The following ME3 variants were observed in gnomAD, a reference collection of about 807,000 sequenced individuals.
ME3 encodes the protein NADP-dependent malic enzyme, mitochondrial.
Under a neutral mutation model 68.9 loss-of-function variants are expected in ME3, and 48 were observed. The ratio of observed to expected loss-of-function variants is 0.70; its 90% confidence interval spans 0.55 to 0.89. ME3 has a LOEUF of 0.89. ME3 is among the 40% of genes least tolerant of loss of function. ME3 has a pLI of 0.00. For synonymous variants in ME3, 320 were observed against 318.8 expected, an observed-to-expected ratio of 1.00 and a Z score of -0.04; for missense variants, 675 against 797.4, an observed-to-expected ratio of 0.85 and a Z score of 1.85.
intron 2 of ME3, among the ~76,000 whole-genome samples, chr11:86,596,692 T>C (rs1463294108): frequency 6.6e-6 from 1 of 152,164 alleles, no homozygotes; most frequent in African/African-American, 2.4e-5. Context: ...ACATTATAGA[T>C]AAAGAAACTG....
At chr11:86,459,961 G>C (rs3758878) in intron 8 of ME3, among the ~76,000 whole-genome samples, 11,646 of 152,308 alleles carry the variant, frequency 0.076, 498 homozygotes, top group South Asian at 0.11. Context: ...TCAGCTTGCA[G>C]GTGGAGGCCA....
chr11:86,635,327 G>A (rs1219872869), intron 2 of ME3, among the ~76,000 whole-genome samples: 1 of 152,200 alleles, frequency 6.6e-6, no homozygotes, highest in Non-Finnish European at 1.5e-5. Context: ...AGGACGCCGT[G>A]AGAATGTGGC....
At chr11:86,648,389 G>A (rs1422550207) in intron 2 of ME3, among the ~76,000 whole-genome samples, 3 of 151,806 alleles carry the variant, frequency 2.0e-5, no homozygotes, top group African/African-American at 4.8e-5. Context: ...ATCTCAAATC[G>A]ACACCCTAAC....
chr11:86,609,019 T>G (rs1330740045), intron 2 of ME3, among the ~76,000 whole-genome samples: 27 of 152,232 alleles, frequency 1.8e-4, no homozygotes, highest in Non-Finnish European at 2.9e-5. Context: ...ATTTTTCTCA[T>G]GTAATCTTCA....
At chr11:86,583,018 A>T (rs896173543) in intron 2 of ME3, among the ~76,000 whole-genome samples, 1 of 152,116 alleles carries the variant, frequency 6.6e-6, no homozygotes, top group Non-Finnish European at 1.5e-5. Flanking sequence ...TTTTATAGGG[A>T]ACAAATTTCC....
intron 4 of ME3, among the ~76,000 whole-genome samples, chr11:86,528,645 T>C (rs2139246690): frequency 6.6e-6 from 1 of 152,150 alleles, no homozygotes; most frequent in East Asian, 1.9e-4. Context: ...ACAGAAATTA[T>C]AACAAACTGT....
intron 2 of ME3, among the ~76,000 whole-genome samples, chr11:86,640,847 A>T (rs1033540084): frequency 6.6e-6 from 1 of 152,114 alleles, no homozygotes; most frequent in Non-Finnish European, 1.5e-5. Context: ...CCCCATTGAT[A>T]TACACAGGAG....
At chr11:86,655,806 C>T (rs1228067108) in intron 2 of ME3, among the ~76,000 whole-genome samples, 2 of 151,998 alleles carry the variant, frequency 1.3e-5, no homozygotes, top group Middle Eastern at 3.4e-3. Context: ...TCAGAGTGAA[C>T]AGGCAACCTA....
chr11:86,493,337 T>C (rs1371227988), intron 6 of ME3, among the ~76,000 whole-genome samples: 2 of 152,224 alleles, frequency 1.3e-5, no homozygotes, highest in East Asian at 1.9e-4. Flanking sequence ...GTTGAATTCA[T>C]AGAGGCTCAA....
intron 2 of ME3, among the ~76,000 whole-genome samples, chr11:86,613,566 A>G (rs1594669374): frequency 6.6e-6 from 1 of 152,188 alleles, no homozygotes; most frequent in East Asian, 1.9e-4. Flanking sequence ...ATATTTAGAA[A>G]ACCCCATCAT....
intron 4 of ME3, among the ~76,000 whole-genome samples, chr11:86,542,413 AAGTT>A (rs1261128452): frequency 6.6e-6 from 1 of 152,234 alleles, no homozygotes; most frequent in Non-Finnish European, 1.5e-5. Flanking sequence ...CCTTGAAAAA[AAGTT>A]AGAGGAATTG....
chr11:86,453,449 C>G (rs1032796709), intron 8 of ME3, among the ~76,000 whole-genome samples: 12 of 152,148 alleles, frequency 7.9e-5, no homozygotes, highest in Admixed American at 2.0e-4. Flanking sequence ...TCAGCTTTGC[C>G]AACTTGCTCT....
At chr11:86,462,835 A>C (rs929751378) in intron 8 of ME3, among the ~76,000 whole-genome samples, 1 of 152,104 alleles carries the variant, frequency 6.6e-6, no homozygotes, top group South Asian at 2.1e-4. Flanking sequence ...CTGAGGGAAC[A>C]GGGGCTGATG....
At chr11:86,521,605 T>C (rs1265961750) in intron 4 of ME3, among the ~76,000 whole-genome samples, 1 of 152,170 alleles carries the variant, frequency 6.6e-6, no homozygotes, top group Non-Finnish European at 1.5e-5. Context: ...TGAATGTCAC[T>C]GCCTCTCCAA....
At chr11:86,450,193 T>A in intron 9 of ME3, 108 bp downstream of exon 9, 1 of 1,130,482 alleles carries the variant, frequency 8.8e-7, no homozygotes, top group Non-Finnish European at 1.3e-6. Context: ...AATATGTCTG[T>A]GCTGCTTCCT....
At chr11:86,543,064 A>C (rs1000529789) in intron 4 of ME3, among the ~76,000 whole-genome samples, 5 of 152,234 alleles carry the variant, frequency 3.3e-5, no homozygotes, top group African/African-American at 1.2e-4. Context: ...AAGCTTCATA[A>C]GTGAAGGAGA....
intron 2 of ME3, among the ~76,000 whole-genome samples, chr11:86,617,680 C>A (rs2135242707): frequency 6.6e-6 from 1 of 152,170 alleles, no homozygotes; most frequent in South Asian, 2.1e-4. Flanking sequence ...GGCCTCTACC[C>A]AAAGGCAAAT....
At chr11:86,632,597 A>G (rs1944088197) in intron 2 of ME3, among the ~76,000 whole-genome samples, 1 of 152,198 alleles carries the variant, frequency 6.6e-6, no homozygotes, top group Non-Finnish European at 1.5e-5. Context: ...GGCCCTGGAC[A>G]TCATCCTCAG....
chr11:86,615,705 C>G (rs1172340757), intron 2 of ME3, among the ~76,000 whole-genome samples: 1 of 152,136 alleles, frequency 6.6e-6, no homozygotes, highest in Non-Finnish European at 1.5e-5. Context: ...CACCTCCTTC[C>G]TCTTCTCAAC....
Sources: allele counts gnomAD v4.1 joint callset (sites outside exome capture counted in the v4.1 genomes callset), GRCh38; gene constraint gnomAD v4.1.1; transcripts MANE v1.5; gene names NCBI Gene and HGNC (gene_info 2026-07-23, HGNC 2026-07-21).